PUM1: variants seen among roughly 807,000 people sequenced by gnomAD.
PUM1 encodes the protein pumilio RNA binding family member 1.
A neutral mutation model predicts 131.8 loss-of-function variants in PUM1; 13 were observed. The observed-to-expected ratio is 0.10, with a 90% CI of 0.06 to 0.16. The LOEUF (loss-of-function observed/expected upper bound fraction) is 0.16. PUM1 is among the 10% of genes least tolerant of loss of function. PUM1 has a pLI of 1.00. For missense variants in PUM1, 961 were observed against 1,512.4 expected, an observed-to-expected ratio of 0.64 and a Z score of 6.05; for synonymous variants, 509 against 556.5, an observed-to-expected ratio of 0.91 and a Z score of 1.20.
intron 7 of PUM1, among the ~76,000 whole-genome samples, chr1:30,989,664 G>A (rs756820565): frequency 7.9e-5 from 12 of 150,978 alleles, no homozygotes; most frequent in Non-Finnish European, 1.3e-4. Context: ...CATAGTTGCA[G>A]GGTTCCAAGA....
At chr1:30,942,193 A>C (rs4949187) in intron 18 of PUM1, 70 bp from the exon 19 acceptor site, 3 of 179,042 alleles carry the variant, frequency 1.7e-5, no homozygotes, top group East Asian at 4.1e-4. Context: ...AGTATTGTTT[A>C]TATATATATA....
At chr1:31,055,227 T>C (rs1186585323) in intron 2 of PUM1, 2 of 418,854 alleles carry the variant, frequency 4.8e-6, no homozygotes, top group African/African-American at 4.1e-5. Context: ...TATGCTACCC[T>C]TAGCACAGCT....
chr1:30,943,178 T>C (rs990455837), intron 18 of PUM1, among the ~76,000 whole-genome samples: 8 of 152,226 alleles, frequency 5.3e-5, no homozygotes, highest in African/African-American at 1.9e-4. Flanking sequence ...AGCAACTTGA[T>C]TTATTTCACT....
intron 9 of PUM1, among the ~76,000 whole-genome samples, chr1:30,975,135 G>C (rs1044253178): frequency 1.4e-4 from 21 of 152,164 alleles, no homozygotes; most frequent in African/African-American, 5.1e-4. Context: ...TGGTAGAAGG[G>C]AGTAAATGGA....
At chr1:31,058,003 T>C (rs543617471) in intron 2 of PUM1, among the ~76,000 whole-genome samples, 2 of 152,194 alleles carry the variant, frequency 1.3e-5, no homozygotes, top group Non-Finnish European at 1.5e-5. Flanking sequence ...TCAGGAAACA[T>C]GGATAAGGCT....
chr1:31,053,966 C>T (rs187006465), intron 2 of PUM1, among the ~76,000 whole-genome samples: 225 of 151,804 alleles, frequency 1.5e-3, no homozygotes, highest in East Asian at 9.9e-3. Context: ...TGGTGGTGCA[C>T]ACTTGTAGTC....
intron 3 of PUM1, among the ~76,000 whole-genome samples, chr1:31,023,916 C>A (rs544237232): frequency 8.3e-5 from 10 of 120,930 alleles, no homozygotes; most frequent in African/African-American, 3.5e-4. Flanking sequence ...CAGAGCGAGA[C>A]TCTGTCTCAA....
chr1:30,945,039 C>G (rs1324822471), intron 18 of PUM1, among the ~76,000 whole-genome samples: 1 of 152,144 alleles, frequency 6.6e-6, no homozygotes, highest in Non-Finnish European at 1.5e-5. Flanking sequence ...TCAAGACCAG[C>G]CTGGGCAACA....
chr1:31,062,715 A>G (rs1644396946), intron 1 of PUM1, among the ~76,000 whole-genome samples: 1 of 152,092 alleles, frequency 6.6e-6, no homozygotes, highest in South Asian at 2.1e-4. Context: ...CCATCGGCCT[A>G]ACAGTCTACT....
At chr1:30,949,144 A>T (rs1461734593) in intron 17 of PUM1, 3 of 445,820 alleles carry the variant, frequency 6.7e-6, no homozygotes, top group African/African-American at 2.0e-5. Flanking sequence ...GTCCATTAAC[A>T]AAGATTCTCA....
chr1:30,943,156 C>T (rs113011692), intron 18 of PUM1, among the ~76,000 whole-genome samples: 3,388 of 152,262 alleles, frequency 0.022, 61 homozygotes, highest in Non-Finnish European at 0.034. Context: ...AAATGCTACA[C>T]TTGTAGTCTG....
chr1:30,976,719 G>A (rs1172103645), intron 9 of PUM1, among the ~76,000 whole-genome samples: 1 of 152,074 alleles, frequency 6.6e-6, no homozygotes, highest in Non-Finnish European at 1.5e-5. Context: ...GAATAAAGGT[G>A]TTGCTAAGAA....
chr1:30,937,776 T>C (rs1298440412), intron 20 of PUM1, among the ~76,000 whole-genome samples: 2 of 152,066 alleles, frequency 1.3e-5, no homozygotes, highest in Non-Finnish European at 2.9e-5. Context: ...TTTTATTTTA[T>C]TTTCATTTTT....
chr1:30,954,995 G>A (rs1640089883), intron 14 of PUM1, among the ~76,000 whole-genome samples: 1 of 151,864 alleles, frequency 6.6e-6, no homozygotes, highest in African/African-American at 2.4e-5. Flanking sequence ...CCTGAGCCCA[G>A]TAGGTCGAGG....
intron 2 of PUM1, among the ~76,000 whole-genome samples, chr1:31,034,040 A>T (rs989633277): frequency 1.3e-5 from 2 of 152,256 alleles, no homozygotes; most frequent in Non-Finnish European, 2.9e-5. Flanking sequence ...ATTACAATTT[A>T]TCCATTTTTC....
Position 30,945,421 on chromosome 1 carries a change from A to G in PUM1, c.2919T>C (p.Asn973=). The change falls in exon 18 of 22, where the codon AAT becomes AAC. Residue 973 remains asparagine, a synonymous_variant. Transcript: ENST00000426105. ...ATTCAATGCATTTCTGAACCACGTG[A>G]TTGCCATTCTGATCTTTCACACACT... ...VLKCVKDQNG[N]HVVQKCIECV... is the part of the protein sequence containing the mutation. 2 of 1,614,192 alleles carry G rather than the reference A, an allele frequency of 1.2e-6. No individual in the cohort carries two copies. The highest frequency in any genetic ancestry group is 1.7e-6 in the Non-Finnish European group (2 of 1,180,000).
rs2124535754 is a variant in PUM1, at chr1:31,022,115, C to T, written c.432+6681G>A. On this transcript the variant is annotated intron_variant, in intron 3 of 21. Transcript: ENST00000426105. ...AACAGAATTTGAAGATAATCCCCAT[C>T]TTGACACTTAAGAATTTAGCTGGAG... 2.6e-5 allele frequency among the ~76,000 whole-genome samples: 4 copies of T among 151,266 alleles called. 1 individual carries two copies. Among genetic ancestry groups the T allele is most frequent in the Admixed American group, 2.6e-4 (4 of 15,190 alleles).
At chr1:30,975,307 C>T (rs1393293257) in intron 9 of PUM1, among the ~76,000 whole-genome samples, 1 of 152,046 alleles carries the variant, frequency 6.6e-6, no homozygotes, top group African/African-American at 2.4e-5. Flanking sequence ...AGACACTCAA[C>T]TGAACCTCCA....
chr1:30,955,763 C>A (rs575877619), intron 14 of PUM1, among the ~76,000 whole-genome samples: 7 of 152,256 alleles, frequency 4.6e-5, no homozygotes, highest in Non-Finnish European at 1.0e-4. Context: ...CAAAAAGATA[C>A]CCAGGCTGGA....
Sources: allele counts gnomAD v4.1 joint callset (sites outside exome capture counted in the v4.1 genomes callset), GRCh38; gene constraint gnomAD v4.1.1; transcripts MANE v1.5; gene names NCBI Gene and HGNC (gene_info 2026-07-23, HGNC 2026-07-21).